DPP4: variants seen among roughly 807,000 people sequenced by gnomAD.
The protein encoded by DPP4 is ADCP-2.
A neutral mutation model predicts 122.4 loss-of-function variants in DPP4; 93 were observed. The observed-to-expected ratio is 0.76, with a 90% CI of 0.64 to 0.90. DPP4 has a LOEUF of 0.90. Ranked by LOEUF, DPP4 falls within the 40% of genes least tolerant of loss-of-function variation. DPP4 has a pLI of 0.00. For missense variants in DPP4, 914 were observed against 907.3 expected (o/e 1.01, Z -0.09); for synonymous variants, 321 against 302.9 (o/e 1.06, Z -0.62).
intron 2 of DPP4, among the ~76,000 whole-genome samples, chr2:162,062,534 A>G: frequency 6.6e-6 from 1 of 152,210 alleles, no homozygotes; most frequent in South Asian, 2.1e-4. Flanking sequence ...ACCTGCTCCC[A>G]GGCTCACACA....
intron 22 of DPP4, 145 bp downstream of exon 22, chr2:162,008,414 CTTA>C: frequency 1.6e-6 from 1 of 629,488 alleles, no homozygotes; most frequent in South Asian, 2.0e-5. Context: ...ATGAGATCAT[CTTA>C]TTATAGGTAT....
At chr2:162,026,669 T>C (rs542019467) in intron 10 of DPP4, among the ~76,000 whole-genome samples, 3 of 152,054 alleles carry the variant, frequency 2.0e-5, no homozygotes, top group Non-Finnish European at 2.9e-5. Context: ...GGGCTGAGAG[T>C]GCAACTGCCA....
At chr2:162,056,767 A>T (rs1308774427) in intron 2 of DPP4, among the ~76,000 whole-genome samples, 2 of 152,184 alleles carry the variant, frequency 1.3e-5, no homozygotes, top group East Asian at 3.8e-4. Context: ...TTCTGCCAAG[A>T]TGTAGGCTAG....
At chr2:162,045,433 T>G in intron 5 of DPP4, 99 bp downstream of exon 5, 1 of 841,914 alleles carries the variant, frequency 1.2e-6, no homozygotes, top group Non-Finnish European at 2.0e-6. Context: ...ATTACATTAC[T>G]TAGATATTAA....
At chr2:162,008,424 G>A (rs1412799161) in intron 22 of DPP4, 138 bp downstream of exon 22, 5 of 664,608 alleles carry the variant, frequency 7.5e-6, no homozygotes, top group Non-Finnish European at 7.9e-6. Flanking sequence ...CTTATTATAG[G>A]TATCCAAAAA....
chr2:162,043,183 CA>C (rs1307251832), intron 5 of DPP4, among the ~76,000 whole-genome samples: 1 of 152,114 alleles, frequency 6.6e-6, no homozygotes, highest in Non-Finnish European at 1.5e-5. Flanking sequence ...CGTGTTTTTT[CA>C]AAAGCTCCTC....
intron 9 of DPP4, among the ~76,000 whole-genome samples, chr2:162,033,888 A>ATG (rs1683664821): frequency 7.0e-6 from 1 of 143,062 alleles, no homozygotes; most frequent in Non-Finnish European, 1.5e-5. Flanking sequence ...ATATATATAT[A>ATG]TATATACACA....
intron 10 of DPP4, among the ~76,000 whole-genome samples, chr2:162,028,894 G>A (rs137966291): frequency 2.6e-5 from 4 of 152,282 alleles, no homozygotes; most frequent in East Asian, 1.9e-4. Context: ...TGTTGGAGCC[G>A]GGATTCAATT....
chr2:162,009,416 T>G (rs1346520202), intron 20 of DPP4, 121 bp from the exon 21 acceptor site: 2 of 799,848 alleles, frequency 2.5e-6, no homozygotes, highest in Admixed American at 2.2e-5. Context: ...GACTAAAAAT[T>G]GCTGCCAGTA....
chr2:162,005,149 C>A (rs1701251689), intron 23 of DPP4, among the ~76,000 whole-genome samples: 2 of 152,170 alleles, frequency 1.3e-5, no homozygotes, highest in Admixed American at 6.5e-5. Context: ...GCACCCACAC[C>A]ATATTTTAAA....
In DPP4 at chr2:162,020,685, T is replaced by G. The variant is rs757557000; in HGVS notation, c.1072A>C (p.Arg358=). The change falls in exon 13 of 26, where the codon AGG becomes CGG. Residue 358 remains arginine (R), a synonymous_variant. Coordinates refer to ENST00000360534, the MANE Select transcript of DPP4 (RefSeq NM_001935.4). Reference sequence around the variant, plus strand: ...AGGGTAAAATGAGGTTCTGAAGGCCTAAACTAGAAAATAATAGAGAACAAA... The same window carrying G: ...AGGGTAAAATGAGGTTCTGAAGGCCGAAACTAGAAAATAATAGAGAACAAA... The part of the protein sequence containing the change: ...MSTTGWVGRF[R]PSEPHFTLDG... The G allele has an allele frequency of 2.5e-6, 4 of 1,601,918 alleles. No homozygotes were observed. The South Asian group carries it at 3.4e-5, about 14-fold the overall frequency.
intron 5 of DPP4, among the ~76,000 whole-genome samples, chr2:162,044,154 T>C (rs1295749082): frequency 6.6e-6 from 1 of 152,190 alleles, no homozygotes; most frequent in Non-Finnish European, 1.5e-5. Flanking sequence ...ATGTATTCTA[T>C]AGATAGAAAT....
At chr2:162,007,079 T>C (rs1448327590) in intron 22 of DPP4, among the ~76,000 whole-genome samples, 1 of 152,126 alleles carries the variant, frequency 6.6e-6, no homozygotes, top group East Asian at 1.9e-4. Flanking sequence ...AACAGTGATA[T>C]TTTATCATTT....
intron 10 of DPP4, among the ~76,000 whole-genome samples, chr2:162,025,753 A>C (rs1405796549): frequency 6.6e-6 from 1 of 152,110 alleles, no homozygotes; most frequent in Non-Finnish European, 1.5e-5. Flanking sequence ...TTGGATTACT[A>C]TTCACAAATC....
rs1053126154 is a variant in DPP4, at chr2:162,020,458, G to T, written c.1176+123C>A. On this transcript the variant is annotated intron_variant, in intron 13 of 25. Coordinates refer to ENST00000360534, the MANE Select transcript of DPP4 (RefSeq NM_001935.4). The stretch of plus-strand genomic sequence containing the variant: ...TCCACATGACACAATACACCACTGA[G>T]GAGTTTAAATTAATCTGATTTTTAT... 5.1e-6 allele frequency: 5 copies of T among 971,128 alleles called. No homozygotes were observed. In the Admixed American group the frequency reaches 1.1e-4, roughly 22 times the overall value. The allele number at this position is 971,128 out of a possible 1,614,324, so 60.2% of individuals were successfully genotyped here.
At chr2:162,016,385 C>T (rs572330504) in intron 18 of DPP4, among the ~76,000 whole-genome samples, 1 of 152,216 alleles carries the variant, frequency 6.6e-6, no homozygotes, top group South Asian at 2.1e-4. Context: ...ATAGCCAACA[C>T]GAATTGTTTT....
intron 8 of DPP4, among the ~76,000 whole-genome samples, chr2:162,037,879 C>T (rs1683833301): frequency 6.6e-6 from 1 of 151,986 alleles, no homozygotes; most frequent in Admixed American, 6.6e-5. Flanking sequence ...CATTTTCTTC[C>T]CCTGTACTCT....
At chr2:162,067,834 A>T (rs535477125) in intron 2 of DPP4, among the ~76,000 whole-genome samples, 1 of 152,330 alleles carries the variant, frequency 6.6e-6, no homozygotes, top group Admixed American at 6.5e-5. Flanking sequence ...TAAAGTAATG[A>T]TTAAACATTA....
At chr2:162,064,533 G>A in intron 2 of DPP4, among the ~76,000 whole-genome samples, 1 of 152,056 alleles carries the variant, frequency 6.6e-6, no homozygotes, top group East Asian at 1.9e-4. Context: ...AACTTTAGCA[G>A]ATCTAAGTTT....
Sources: gnomAD v4.1 joint callset for allele counts (sites outside exome capture counted in the v4.1 genomes callset) on GRCh38, gnomAD v4.1.1 for gene constraint, MANE v1.5 for transcripts, NCBI Gene and HGNC (gene_info 2026-07-23, HGNC 2026-07-21) for gene names.